The following LRTM1 variants were observed in gnomAD, a reference collection of about 807,000 sequenced individuals.
The protein encoded by LRTM1 is leucine-rich repeat and transmembrane domain-containing protein 1.
LRTM1 carries 38 observed loss-of-function variants against 32.4 expected under a neutral mutation model. That is an observed-to-expected ratio of 1.17 (90% CI 0.91 to 1.54). The LOEUF (loss-of-function observed/expected upper bound fraction) is 1.54, where lower values mean the gene tolerates loss of function less well. LRTM1 is among the 40% of genes most tolerant of loss of function. The pLI is 0.00. For synonymous variants in LRTM1, 186 were observed against 169.9 expected (o/e 1.09, Z -0.74); for missense variants, 466 against 415.4 (o/e 1.12, Z -1.06).
chr3:54,962,122 C>T (rs1702044730), intron 1 of LRTM1, among the ~76,000 whole-genome samples: 1 of 152,146 alleles, frequency 6.6e-6, no homozygotes, highest in South Asian at 2.1e-4. Context: ...CCTCGGGACC[C>T]AATCACCTCT....
At chr3:54,924,226 A>T (rs1700943388) in intron 2 of LRTM1, among the ~76,000 whole-genome samples, 1 of 152,204 alleles carries the variant, frequency 6.6e-6, no homozygotes, top group Non-Finnish European at 1.5e-5. Context: ...AAGAGAGAAA[A>T]ATATCCCAGA....
intron 1 of LRTM1, among the ~76,000 whole-genome samples, chr3:54,945,873 A>G (rs1701599941): frequency 6.6e-6 from 1 of 152,184 alleles, no homozygotes; most frequent in South Asian, 2.1e-4. Context: ...AGCTGAGGTA[A>G]TGCCAGGCGT....
intron 1 of LRTM1, among the ~76,000 whole-genome samples, chr3:54,942,573 T>A (rs1467293004): frequency 6.6e-6 from 1 of 152,114 alleles, no homozygotes; most frequent in East Asian, 1.9e-4. Context: ...ACTTAAGTGG[T>A]GCTAAAGATG....
chr3:54,962,280 G>A (rs887190072), intron 1 of LRTM1, among the ~76,000 whole-genome samples: 19 of 152,094 alleles, frequency 1.2e-4, no homozygotes, highest in Admixed American at 1.2e-3. Flanking sequence ...AATTCTCTAA[G>A]AGCCTGCTTG....
chr3:54,964,408 GA>G (rs752480490), intron 1 of LRTM1, among the ~76,000 whole-genome samples: 2 of 123,954 alleles, frequency 1.6e-5, no homozygotes, highest in Non-Finnish European at 3.7e-5. Flanking sequence ...CAGGAATGGT[GA>G]TTTTTTTTTT....
At chr3:54,963,546 G>A (rs1001585266) in intron 1 of LRTM1, among the ~76,000 whole-genome samples, 1 of 152,180 alleles carries the variant, frequency 6.6e-6, no homozygotes, top group Non-Finnish European at 1.5e-5. Context: ...ATAGCCACAT[G>A]TAACTAATGG....
At chr3:54,934,099 T>G (rs1393685729) in intron 1 of LRTM1, among the ~76,000 whole-genome samples, 1 of 152,186 alleles carries the variant, frequency 6.6e-6, no homozygotes, top group Non-Finnish European at 1.5e-5. Context: ...TTGATACAAA[T>G]TACAAAACAG....
At chr3:54,941,944 A>G (rs182496015) in intron 1 of LRTM1, among the ~76,000 whole-genome samples, 1 of 152,228 alleles carries the variant, frequency 6.6e-6, no homozygotes, top group African/African-American at 2.4e-5. Flanking sequence ...TGAAATGGCA[A>G]TGACAGCTGC....
At position 54,935,016 on chromosome 3, in the gene LRTM1, G is replaced by T. The variant is rs1487754110; in HGVS notation, c.-221-9801C>A. 6.4e-4 allele frequency among the ~76,000 whole-genome samples: 97 copies of T among 152,226 alleles called. 1 individual carries two copies. Among genetic ancestry groups the T allele is most frequent in the Admixed American group, 6.3e-3 (97 of 15,286 alleles). Reference sequence around the variant, plus strand: ...GCCTCCCAAAGTGCTGGGACTGCAGGCATGAGCCATGGCGCCCAAGTCTGG... The same window carrying T: ...GCCTCCCAAAGTGCTGGGACTGCAGTCATGAGCCATGGCGCCCAAGTCTGG... On this transcript the variant is annotated intron_variant, in intron 1 of 2. Transcript: ENST00000493075.
At chr3:54,927,629 T>C (rs1023046305) in intron 1 of LRTM1, among the ~76,000 whole-genome samples, 1 of 152,178 alleles carries the variant, frequency 6.6e-6, no homozygotes, top group South Asian at 2.1e-4. Context: ...AGGAATAATA[T>C]ACGAACTCCA....
At chr3:54,936,300 A>G (rs1435968782) in intron 1 of LRTM1, among the ~76,000 whole-genome samples, 1 of 152,194 alleles carries the variant, frequency 6.6e-6, no homozygotes, top group African/African-American at 2.4e-5. Context: ...AGGCAAGTTA[A>G]ATGCAAAGGA....
chr3:54,947,757 C>T (rs924026584), intron 1 of LRTM1, among the ~76,000 whole-genome samples: 1 of 152,146 alleles, frequency 6.6e-6, no homozygotes, highest in Non-Finnish European at 1.5e-5. Context: ...ATATGAAGGG[C>T]TTGGATGCTA....
At chr3:54,953,385 G>A (rs1701805398) in intron 1 of LRTM1, among the ~76,000 whole-genome samples, 1 of 152,122 alleles carries the variant, frequency 6.6e-6, no homozygotes, top group East Asian at 1.9e-4. Flanking sequence ...GTGGGGCCCG[G>A]TAACACTACG....
chr3:54,934,389 G>A (rs1412983588), intron 1 of LRTM1, among the ~76,000 whole-genome samples: 1 of 139,768 alleles, frequency 7.2e-6, no homozygotes, highest in Non-Finnish European at 1.5e-5. Context: ...AAGTGGGGAG[G>A]TTGTGTTCAT....
At chr3:54,929,409 T>C (rs1559634046), upstream of LRTM1, among the ~76,000 whole-genome samples, 1 of 152,184 alleles carries the variant, frequency 6.6e-6, no homozygotes, top group Non-Finnish European at 1.5e-5. Context: ...CAGAGGGCCA[T>C]GGAACCTGGC....
chr3:54,962,388 T>C (rs1002481868), intron 1 of LRTM1, among the ~76,000 whole-genome samples: 17 of 152,226 alleles, frequency 1.1e-4, no homozygotes, highest in African/African-American at 4.1e-4. Context: ...AGATGAATTT[T>C]CTGCTCACTC....
intron 1 of LRTM1, among the ~76,000 whole-genome samples, chr3:54,950,053 T>C (rs1701718089): frequency 6.6e-6 from 1 of 152,240 alleles, no homozygotes; most frequent in South Asian, 2.1e-4. Flanking sequence ...TTGCTGTGCA[T>C]TTCAGGGCCA....
intron 2 of LRTM1, among the ~76,000 whole-genome samples, chr3:54,920,385 G>C (rs923588527): frequency 4.6e-5 from 7 of 151,816 alleles, no homozygotes; most frequent in Admixed American, 3.3e-4. Context: ...CCTTTTTGTT[G>C]CCACTGCTTA....
chr3:54,942,804 C>T (rs948200492), intron 1 of LRTM1, among the ~76,000 whole-genome samples: 2 of 152,058 alleles, frequency 1.3e-5, no homozygotes, highest in African/African-American at 2.4e-5. Context: ...GCGGGTGGAT[C>T]ACAAGGTCAG....
Sources: allele counts gnomAD v4.1 joint callset (sites outside exome capture counted in the v4.1 genomes callset), GRCh38; gene constraint gnomAD v4.1.1; transcripts MANE v1.5; gene names NCBI Gene and HGNC (gene_info 2026-07-23, HGNC 2026-07-21).